Variants in ODAD2 observed in about 807,000 individuals in gnomAD.
ODAD2 encodes outer dynein arm-docking complex subunit 2.
ODAD2 carries 89 observed loss-of-function variants against 106.8 expected under a neutral mutation model. The observed-to-expected ratio is 0.83, with a 90% CI of 0.70 to 0.99. The LOEUF (loss-of-function observed/expected upper bound fraction) is 0.99. Ranked by LOEUF, ODAD2 falls within the 50% of genes least tolerant of loss-of-function variation. ODAD2 has a pLI of 0.00. For synonymous variants in ODAD2, 404 were observed against 436.2 expected (o/e 0.93, Z 0.92); for missense variants, 1,168 against 1,238.5 (o/e 0.94, Z 0.85).
intron 2 of ODAD2, among the ~76,000 whole-genome samples, chr10:27,994,503 G>A (rs1850430574): frequency 1.3e-5 from 2 of 152,098 alleles, no homozygotes; most frequent in South Asian, 2.1e-4. Context: ...GCTGAGGCAG[G>A]AGGATCACTT....
At chr10:27,956,339 G>GGACTCTGATCAA (rs1212367085) in intron 10 of ODAD2, among the ~76,000 whole-genome samples, 3 of 152,220 alleles carry the variant, frequency 2.0e-5, no homozygotes, top group African/African-American at 7.2e-5. Flanking sequence ...CCCAGGTACA[G>GGACTCTGATCAA]AAGCTGGCAT....
At chr10:27,814,926 C>G (rs1287881233) in intron 19 of ODAD2, among the ~76,000 whole-genome samples, 1 of 152,210 alleles carries the variant, frequency 6.6e-6, no homozygotes, top group African/African-American at 2.4e-5. Flanking sequence ...TCATTCACTG[C>G]CCAGCAATCA....
intron 9 of ODAD2, among the ~76,000 whole-genome samples, chr10:27,967,336 T>C (rs1245558731): frequency 6.6e-6 from 1 of 151,846 alleles, no homozygotes; most frequent in Non-Finnish European, 1.5e-5. Context: ...ATGAAGTCAC[T>C]TATCCGAACT....
At chr10:27,949,952 A>G (rs563645696) in intron 10 of ODAD2, among the ~76,000 whole-genome samples, 43 of 152,308 alleles carry the variant, frequency 2.8e-4, no homozygotes, top group Non-Finnish European at 5.1e-4. Flanking sequence ...TTGCAGGGTC[A>G]TCATTTGAAG....
chr10:27,831,760 C>A (rs1032368312), intron 19 of ODAD2, among the ~76,000 whole-genome samples: 1 of 152,238 alleles, frequency 6.6e-6, no homozygotes, highest in Non-Finnish European at 1.5e-5. Flanking sequence ...GGCCCTTTGG[C>A]CATCATGCTC....
At chr10:27,814,509 G>A (rs35267408) in intron 19 of ODAD2, among the ~76,000 whole-genome samples, 94,312 of 151,820 alleles carry the variant, frequency 0.62, 32,200 homozygotes, top group Non-Finnish European at 0.78. Context: ...TCACACTTCA[G>A]CCTTCCACCT....
At chr10:27,939,061 G>A (rs1401795259) in intron 14 of ODAD2, among the ~76,000 whole-genome samples, 1 of 151,824 alleles carries the variant, frequency 6.6e-6, no homozygotes, top group Non-Finnish European at 1.5e-5. Context: ...TCTGTTTTCT[G>A]GTATACTATG....
At chr10:27,921,422 T>C (rs1010463647) in intron 16 of ODAD2, among the ~76,000 whole-genome samples, 5 of 152,080 alleles carry the variant, frequency 3.3e-5, no homozygotes, top group African/African-American at 1.2e-4. Flanking sequence ...ATTTAGAGCA[T>C]TAGACTTTTA....
intron 14 of ODAD2, among the ~76,000 whole-genome samples, chr10:27,938,034 C>T (rs1846115395): frequency 6.6e-6 from 1 of 152,084 alleles, no homozygotes. Flanking sequence ...ACCTCTACCT[C>T]GTGGGTTCAA....
chr10:27,927,134 A>G (rs928349193), intron 16 of ODAD2, among the ~76,000 whole-genome samples: 4 of 152,160 alleles, frequency 2.6e-5, no homozygotes, highest in Non-Finnish European at 5.9e-5. Context: ...GGTTTCACAA[A>G]AATCACTTTT....
chr10:27,877,700 CAT>C (rs987077884), intron 17 of ODAD2, among the ~76,000 whole-genome samples: 19 of 152,306 alleles, frequency 1.2e-4, no homozygotes, highest in African/African-American at 4.6e-4. Flanking sequence ...CACCTTCTCA[CAT>C]GTCTTAAAAA....
At chr10:27,906,870 C>T (rs535653119) in intron 17 of ODAD2, among the ~76,000 whole-genome samples, 1 of 151,784 alleles carries the variant, frequency 6.6e-6, no homozygotes, top group South Asian at 2.1e-4. Context: ...TCAGGGGGTG[C>T]GGGACTAGGG....
intron 10 of ODAD2, among the ~76,000 whole-genome samples, chr10:27,959,347 G>T (rs767444245): frequency 6.6e-6 from 1 of 152,048 alleles, no homozygotes; most frequent in Non-Finnish European, 1.5e-5. Context: ...CAGAGAGAGT[G>T]GTGTTGGCAA....
chr10:27,919,886 T>A (rs906984632), intron 16 of ODAD2, among the ~76,000 whole-genome samples: 2 of 152,194 alleles, frequency 1.3e-5, no homozygotes, highest in African/African-American at 4.8e-5. Flanking sequence ...GCTGGTTATA[T>A]GGCTGTATAC....
At chr10:27,951,735 G>T (rs1009618746) in intron 10 of ODAD2, among the ~76,000 whole-genome samples, 4 of 151,900 alleles carry the variant, frequency 2.6e-5, no homozygotes, top group African/African-American at 9.6e-5. Context: ...AAACCTATAA[G>T]CCATGAAGAA....
intron 17 of ODAD2, among the ~76,000 whole-genome samples, chr10:27,898,564 A>T (rs1411132197): frequency 6.6e-6 from 1 of 152,122 alleles, no homozygotes; most frequent in Non-Finnish European, 1.5e-5. Flanking sequence ...AGTTAAAGTG[A>T]CTGATTAAGA....
chr10:27,885,737 T>TATTACATATTATATATAAAA (rs1367530369), intron 17 of ODAD2, among the ~76,000 whole-genome samples: 1 of 47,486 alleles, frequency 2.1e-5, no homozygotes, highest in Non-Finnish European at 3.7e-5. Context: ...ATAAAATATA[T>TATTACATATTATATATAAAA]TATGTTATAT....
intron 6 of ODAD2, among the ~76,000 whole-genome samples, chr10:27,983,006 A>C (rs946188227): frequency 5.3e-5 from 8 of 152,224 alleles, no homozygotes; most frequent in African/African-American, 1.7e-4. Flanking sequence ...AGCTAAAGGA[A>C]GACTGAAAGG....
intron 9 of ODAD2, among the ~76,000 whole-genome samples, chr10:27,966,085 T>G (rs1339235700): frequency 6.6e-6 from 1 of 152,110 alleles, no homozygotes; most frequent in Non-Finnish European, 1.5e-5. Context: ...ATTTGTAAGA[T>G]TCCATGATTC....
Sources: gnomAD v4.1 joint callset for allele counts (sites outside exome capture counted in the v4.1 genomes callset) on GRCh38, gnomAD v4.1.1 for gene constraint, MANE v1.5 for transcripts, NCBI Gene and HGNC (gene_info 2026-07-23, HGNC 2026-07-21) for gene names.